Variants in PTPRD observed in about 807,000 individuals in gnomAD.
PTPRD encodes receptor-type tyrosine-protein phosphatase delta.
In PTPRD, 34 loss-of-function variants were observed where a neutral mutation model predicts 214.5. The ratio of observed to expected loss-of-function variants is 0.16; its 90% confidence interval spans 0.12 to 0.21. The LOEUF (loss-of-function observed/expected upper bound fraction) is 0.21, where lower values mean the gene tolerates loss of function less well. PTPRD is among the 10% of genes least tolerant of loss of function. The pLI is 1.00. For synonymous variants in PTPRD, 1,128 were observed against 845.7 expected (o/e 1.33, Z -5.79); for missense variants, 2,545 against 2,398.7 (o/e 1.06, Z -1.27).
At chr9:10,156,014 T>C (rs1263650436) in intron 3 of PTPRD, among the ~76,000 whole-genome samples, 4 of 151,728 alleles carry the variant, frequency 2.6e-5, no homozygotes, top group African/African-American at 7.3e-5. Flanking sequence ...ATAGTTTCAG[T>C]AGGAAACTCT....
intron 14 of PTPRD, among the ~76,000 whole-genome samples, chr9:8,593,709 A>T (rs953665386): frequency 1.3e-5 from 2 of 152,210 alleles, no homozygotes; most frequent in African/African-American, 4.8e-5. Context: ...TAGATTTTCA[A>T]TGAAAGAGCT....
At chr9:9,418,084 G>C (rs1197260832) in intron 8 of PTPRD, among the ~76,000 whole-genome samples, 1 of 152,008 alleles carries the variant, frequency 6.6e-6, no homozygotes, top group Admixed American at 6.6e-5. Flanking sequence ...TCTCATCTGT[G>C]TAAGAGCATC....
intron 10 of PTPRD, among the ~76,000 whole-genome samples, chr9:9,142,925 A>G (rs940025606): frequency 6.6e-6 from 1 of 152,074 alleles, no homozygotes; most frequent in Non-Finnish European, 1.5e-5. Flanking sequence ...CCCCTAGGGA[A>G]CACAGTAGGA....
intron 11 of PTPRD, among the ~76,000 whole-genome samples, chr9:8,811,372 T>A (rs768353327): frequency 1.3e-5 from 2 of 152,158 alleles, no homozygotes; most frequent in Non-Finnish European, 2.9e-5. Flanking sequence ...ACAACCTGTT[T>A]ATGACCTCCA....
chr9:9,877,439 C>G (rs548437257), intron 5 of PTPRD, among the ~76,000 whole-genome samples: 1 of 152,180 alleles, frequency 6.6e-6, no homozygotes, highest in South Asian at 2.1e-4. Flanking sequence ...TGATATGGAT[C>G]AGTAACAAAT....
intron 5 of PTPRD, among the ~76,000 whole-genome samples, chr9:9,805,507 G>A (rs568372558): frequency 2.0e-5 from 3 of 152,114 alleles, no homozygotes; most frequent in African/African-American, 7.2e-5. Flanking sequence ...GTAAATATTT[G>A]CTATCTGAAG....
At chr9:10,549,875 C>T (rs1255300156) in intron 2 of PTPRD, among the ~76,000 whole-genome samples, 1 of 151,954 alleles carries the variant, frequency 6.6e-6, no homozygotes, top group African/African-American at 2.4e-5. Flanking sequence ...GAACAATTCC[C>T]TCCTCCCAAC....
intron 9 of PTPRD, among the ~76,000 whole-genome samples, chr9:9,331,140 C>T (rs772479018): frequency 2.0e-5 from 3 of 151,948 alleles, no homozygotes; most frequent in Non-Finnish European, 2.9e-5. Flanking sequence ...ATTCATGTCT[C>T]GGATTGCCAT....
intron 12 of PTPRD, among the ~76,000 whole-genome samples, chr9:8,685,773 T>C (rs980262343): frequency 6.6e-6 from 1 of 152,198 alleles, no homozygotes; most frequent in African/African-American, 2.4e-5. Flanking sequence ...CTAATCACAT[T>C]TTCATTTTCC....
intron 11 of PTPRD, among the ~76,000 whole-genome samples, chr9:8,884,608 C>T (rs530020912): frequency 3.7e-4 from 57 of 152,210 alleles, no homozygotes; most frequent in Middle Eastern, 3.4e-3. Context: ...CTAGCTATTC[C>T]GAAAGTTTCT....
At chr9:9,470,545 T>C (rs2094516994) in intron 8 of PTPRD, among the ~76,000 whole-genome samples, 1 of 152,194 alleles carries the variant, frequency 6.6e-6, no homozygotes, top group South Asian at 2.1e-4. Context: ...AAGGGTTTTC[T>C]AACAGTATAC....
intron 9 of PTPRD, among the ~76,000 whole-genome samples, chr9:9,379,961 T>C (rs557647060): frequency 5.3e-5 from 8 of 152,224 alleles, no homozygotes; most frequent in African/African-American, 1.9e-4. Context: ...AAAATCATCT[T>C]ATTTGCAACA....
chr9:8,512,451 G>A (rs992934572), intron 21 of PTPRD, among the ~76,000 whole-genome samples: 1 of 151,874 alleles, frequency 6.6e-6, no homozygotes, highest in Non-Finnish European at 1.5e-5. Context: ...CATAACTTTG[G>A]TTATTAGAAA....
chr9:10,481,139 T>G (rs2132151969), intron 2 of PTPRD, among the ~76,000 whole-genome samples: 1 of 152,004 alleles, frequency 6.6e-6, no homozygotes, highest in East Asian at 1.9e-4. Flanking sequence ...ATGGATGAAA[T>G]AATGTGGTGC....
chr9:10,269,795 G>A (rs2094315366), intron 3 of PTPRD, among the ~76,000 whole-genome samples: 1 of 151,214 alleles, frequency 6.6e-6, no homozygotes, highest in African/African-American at 2.4e-5. Flanking sequence ...AAAATCTTCT[G>A]AAAAAAGAAA....
chr9:9,485,283 G>T (rs1384104104), intron 8 of PTPRD, among the ~76,000 whole-genome samples: 1 of 152,134 alleles, frequency 6.6e-6, no homozygotes, highest in South Asian at 2.1e-4. Flanking sequence ...AGTAAAACAT[G>T]TCATTATATC....
At chr9:9,902,936 G>A (rs985053499) in intron 5 of PTPRD, among the ~76,000 whole-genome samples, 2 of 152,216 alleles carry the variant, frequency 1.3e-5, no homozygotes, top group Non-Finnish European at 2.9e-5. Flanking sequence ...TTGGCTAACA[G>A]TGAAAATAAA....
intron 2 of PTPRD, among the ~76,000 whole-genome samples, chr9:10,568,843 A>T (rs2066507466): frequency 1.3e-5 from 2 of 152,176 alleles, no homozygotes; most frequent in Middle Eastern, 3.2e-3. Context: ...AGGCAATACC[A>T]TGCAGGACAT....
chr9:9,780,142 G>A lies in PTPRD; in HGVS notation c.-367-13291C>T, dbSNP rs145537803. 5.6e-4 allele frequency among the ~76,000 whole-genome samples: 86 copies of A among 152,238 alleles called. 1 individual carries two copies. Among genetic ancestry groups the A allele is most frequent in the African/African-American group, 2.0e-3 (83 of 41,536 alleles). ...GGATGGAGCTGGAGACCATAATCCTGAGTTAACACAGAACAAGAAAGCCAA... is the reference window on the plus strand; with the variant it reads ...GGATGGAGCTGGAGACCATAATCCTAAGTTAACACAGAACAAGAAAGCCAA... On this transcript the variant is annotated intron_variant, in intron 5 of 45. Transcript: ENST00000381196.
Sources: allele counts gnomAD v4.1 joint callset (sites outside exome capture counted in the v4.1 genomes callset), GRCh38; gene constraint gnomAD v4.1.1; transcripts MANE v1.5; gene names NCBI Gene and HGNC (gene_info 2026-07-23, HGNC 2026-07-21).